SBF2: variants seen among roughly 807,000 people sequenced by gnomAD.
SBF2 encodes the protein myotubularin-related protein 13.
SBF2 carries 112 observed loss-of-function variants against 225.2 expected under a neutral mutation model. That is an observed-to-expected ratio of 0.50 (90% CI 0.43 to 0.58). The LOEUF (loss-of-function observed/expected upper bound fraction) is 0.58. Ranked by LOEUF, SBF2 falls within the 20% of genes least tolerant of loss-of-function variation. SBF2 has a pLI of 0.00. For synonymous variants in SBF2, 763 were observed against 773.3 expected, an observed-to-expected ratio of 0.99 and a Z score of 0.22; for missense variants, 1,996 against 2,206.2, an observed-to-expected ratio of 0.90 and a Z score of 1.91.
At chr11:9,839,308 C>G (rs1855942249) in intron 26 of SBF2, 190 bp downstream of exon 26, 3 of 642,212 alleles carry the variant, frequency 4.7e-6, no homozygotes, top group Non-Finnish European at 5.6e-6. Flanking sequence ...TTCTCACCTA[C>G]TAGAGGTACT....
intron 27 of SBF2, among the ~76,000 whole-genome samples, chr11:9,831,550 C>T (rs568346231): frequency 1.7e-4 from 26 of 152,272 alleles, no homozygotes; most frequent in African/African-American, 6.0e-4. Flanking sequence ...ATCCCTAAAT[C>T]GGATCTGATA....
At chr11:10,011,645 A>AT (rs1330129612) in intron 6 of SBF2, among the ~76,000 whole-genome samples, 11 of 152,020 alleles carry the variant, frequency 7.2e-5, no homozygotes, top group Non-Finnish European at 1.2e-4. Context: ...CTTGTTTGGT[A>AT]TTTTTTTCTT....
intron 13 of SBF2, among the ~76,000 whole-genome samples, chr11:9,975,972 GT>G (rs1224036243): frequency 6.6e-6 from 1 of 151,354 alleles, no homozygotes; most frequent in Non-Finnish European, 1.5e-5. Flanking sequence ...TTGTATTTGA[GT>G]TTTGTTCTCC....
chr11:10,174,426 G>A (rs906545771), intron 2 of SBF2, among the ~76,000 whole-genome samples: 6 of 152,128 alleles, frequency 3.9e-5, no homozygotes, highest in African/African-American at 1.2e-4. Context: ...GGAAGATGAA[G>A]TGAATGAAAT....
At chr11:10,289,449 G>A (rs149088193) in intron 1 of SBF2, among the ~76,000 whole-genome samples, 2 of 152,202 alleles carry the variant, frequency 1.3e-5, no homozygotes, top group African/African-American at 4.8e-5. Flanking sequence ...ATGCCCCCTC[G>A]TAGCCTGGAG....
At chr11:10,020,498 C>T (rs950118869) in intron 6 of SBF2, among the ~76,000 whole-genome samples, 7 of 152,082 alleles carry the variant, frequency 4.6e-5, no homozygotes, top group Admixed American at 1.3e-4. Context: ...CTTGCTCTCT[C>T]AAGTTGCCCG....
At chr11:10,172,471 C>G (rs1297909213) in intron 2 of SBF2, among the ~76,000 whole-genome samples, 2 of 152,128 alleles carry the variant, frequency 1.3e-5, no homozygotes, top group African/African-American at 4.8e-5. Flanking sequence ...CCTGCCTCAG[C>G]CTCCCAAGTA....
At chr11:10,094,172 A>G (rs1318955653) in intron 2 of SBF2, among the ~76,000 whole-genome samples, 1 of 152,090 alleles carries the variant, frequency 6.6e-6, no homozygotes, top group Non-Finnish European at 1.5e-5. Flanking sequence ...CTCTACTAAA[A>G]ATACAAAATT....
intron 16 of SBF2, among the ~76,000 whole-genome samples, chr11:9,950,901 G>A (rs1428145602): frequency 6.6e-6 from 1 of 152,148 alleles, no homozygotes; most frequent in South Asian, 2.1e-4. Flanking sequence ...TTTAGTGAGA[G>A]ACTACTCCAT....
At chr11:9,852,145 C>T (rs1224902298) in intron 21 of SBF2, among the ~76,000 whole-genome samples, 2 of 152,158 alleles carry the variant, frequency 1.3e-5, no homozygotes, top group African/African-American at 2.4e-5. Flanking sequence ...AGTCTACTGG[C>T]GCCAGACTAC....
Position 9,832,411 on chromosome 11 carries a change from G to C in SBF2, c.3465C>G (p.Gly1155=). The C allele has an allele frequency of 6.2e-7, 1 of 1,612,774 alleles. No homozygotes were observed. The highest frequency in any genetic ancestry group is 8.5e-7 in the Non-Finnish European group (1 of 1,178,910). The part of the protein sequence containing the change: ...RMYSLCRSYP[G]LLVVPQAVQD... ...GTACAGCTTGAGGTACGACTAAAAG[G>C]CCAGGATAGCTTCAGAGACATAGAA... The change falls in exon 27 of 40, where the codon GGC becomes GGG. Residue 1155 remains glycine, a synonymous_variant. Transcript: ENST00000256190.
At chr11:10,046,937 GA>G (rs1164232884) in intron 2 of SBF2, among the ~76,000 whole-genome samples, 1 of 145,950 alleles carries the variant, frequency 6.9e-6, no homozygotes, top group East Asian at 2.0e-4. Context: ...CAAGTTCTAA[GA>G]TACAAAGTTA....
chr11:9,838,974 T>G lies in SBF2; in HGVS notation c.3455+524A>C, dbSNP rs113833527. 9.6e-3 allele frequency: 1,671 copies of G among 173,236 alleles called. 13 individuals carry two copies. The highest frequency in any genetic ancestry group is 0.015 in the Non-Finnish European group (1,168 of 79,752). 10.7% of individuals were successfully genotyped at this position (173,236 alleles called of 1,614,324 possible). A position where few individuals can be genotyped will look rare whatever the true frequency, so the allele number is the denominator to read the frequency against. On this transcript the variant is annotated intron_variant, in intron 26 of 39. Transcript: ENST00000256190. The stretch of plus-strand genomic sequence containing the variant: ...TCCAATTAGACCGCATAAGAAAGCC[T>G]TGCCTACACCTGGGTCAGCAAATTA...
At chr11:9,841,557 G>T (rs977029634) in intron 25 of SBF2, among the ~76,000 whole-genome samples, 1 of 149,854 alleles carries the variant, frequency 6.7e-6, no homozygotes, top group Non-Finnish European at 1.5e-5. Flanking sequence ...TTGAGGCAGA[G>T]TCTTGCTCTG....
chr11:10,266,436 G>C (rs530803363), intron 1 of SBF2, among the ~76,000 whole-genome samples: 1 of 152,196 alleles, frequency 6.6e-6, no homozygotes. Context: ...ACCCAGGCTA[G>C]ATACGGGTAA....
At chr11:9,993,238 C>G in intron 10 of SBF2, 135 bp from the exon 11 acceptor site, 1 of 661,362 alleles carries the variant, frequency 1.5e-6, no homozygotes, top group Non-Finnish European at 2.6e-6. Flanking sequence ...CAGTCACAAC[C>G]AAACATAAGA....
chr11:10,021,020 A>C (rs1419840113), intron 6 of SBF2, among the ~76,000 whole-genome samples: 1 of 152,180 alleles, frequency 6.6e-6, no homozygotes, highest in Non-Finnish European at 1.5e-5. Flanking sequence ...AAGTAAAAAG[A>C]AAGCATGCAT....
intron 2 of SBF2, among the ~76,000 whole-genome samples, chr11:10,106,086 T>C (rs1388827920): frequency 1.3e-5 from 2 of 152,190 alleles, no homozygotes; most frequent in African/African-American, 4.8e-5. Flanking sequence ...GTTACATGGG[T>C]ATATTGCTTG....
chr11:10,166,982 C>T (rs1469818530), intron 2 of SBF2, among the ~76,000 whole-genome samples: 1 of 151,666 alleles, frequency 6.6e-6, no homozygotes, highest in Non-Finnish European at 1.5e-5. Flanking sequence ...CACACACACA[C>T]ACACACAAAA....
Sources: allele counts gnomAD v4.1 joint callset (sites outside exome capture counted in the v4.1 genomes callset), GRCh38; gene constraint gnomAD v4.1.1; transcripts MANE v1.5; gene names NCBI Gene and HGNC (gene_info 2026-07-23, HGNC 2026-07-21).